Variants in BLK observed in about 807,000 individuals in gnomAD.
BLK encodes BLK proto-oncogene, Src family tyrosine kinase.
BLK carries 64 observed loss-of-function variants against 61.8 expected under a neutral mutation model. The ratio of observed to expected loss-of-function variants is 1.03; its 90% CI spans 0.85 to 1.27. The LOEUF (loss-of-function observed/expected upper bound fraction) is 1.27, where lower values mean the gene tolerates loss of function less well. Ranked by LOEUF, BLK falls within the 50% of genes most tolerant of loss-of-function variation. The pLI is 0.00. For missense variants in BLK, 853 were observed against 660.5 expected, an observed-to-expected ratio of 1.29 and a Z score of -3.19; for synonymous variants, 351 against 272.0, an observed-to-expected ratio of 1.29 and a Z score of -2.86.
At chr8:11,559,339 GGACAAACACAAACACATACACA>G (rs1563124180) in intron 10 of BLK, among the ~76,000 whole-genome samples, 2 of 146,156 alleles carry the variant, frequency 1.4e-5, no homozygotes, top group African/African-American at 5.0e-5. Context: ...ACACACACAC[GGACAAACACAAACACATACACA>G]GACTCACACA....
At chr8:11,526,913 A>C (rs906962468) in intron 1 of BLK, among the ~76,000 whole-genome samples, 2 of 152,214 alleles carry the variant, frequency 1.3e-5, no homozygotes, top group Non-Finnish European at 2.9e-5. Flanking sequence ...TATGTCATTA[A>C]AATTTGCCAT....
At chr8:11,494,925 G>T (rs765995565) in intron 1 of BLK, among the ~76,000 whole-genome samples, 2 of 152,236 alleles carry the variant, frequency 1.3e-5, no homozygotes, top group Admixed American at 6.5e-5. Flanking sequence ...CTGCGCTCCC[G>T]GCGAGTCACT....
At chr8:11,563,346 G>A (rs2117609231) in intron 12 of BLK, among the ~76,000 whole-genome samples, 1 of 152,350 alleles carries the variant, frequency 6.6e-6, no homozygotes, top group South Asian at 2.1e-4. Context: ...CCCTCAAACT[G>A]AAATCAAGAC....
At chr8:11,510,931 G>A (rs112560206) in intron 1 of BLK, among the ~76,000 whole-genome samples, 189 of 152,180 alleles carry the variant, frequency 1.2e-3, no homozygotes, top group African/African-American at 4.0e-3. Flanking sequence ...ATGGCCGTCC[G>A]TGGTTCTTAA....
intron 1 of BLK, among the ~76,000 whole-genome samples, chr8:11,503,647 C>T (rs145859940): frequency 8.4e-4 from 128 of 152,280 alleles, no homozygotes; most frequent in Middle Eastern, 3.4e-3. Flanking sequence ...CAAGGGTGCT[C>T]TTTCTTGGCA....
intron 1 of BLK, among the ~76,000 whole-genome samples, chr8:11,514,609 T>C (rs1238844392): frequency 6.6e-6 from 1 of 152,156 alleles, no homozygotes; most frequent in Non-Finnish European, 1.5e-5. Flanking sequence ...ACTGTGGGCC[T>C]TCTCCATCCA....
At chr8:11,522,318 A>G (rs1799485030) in intron 1 of BLK, among the ~76,000 whole-genome samples, 2 of 152,244 alleles carry the variant, frequency 1.3e-5, no homozygotes, top group Non-Finnish European at 2.9e-5. Context: ...AAAAGATTTA[A>G]TTTATTACCT....
intron 8 of BLK, chr8:11,556,436 C>G: frequency 1.7e-6 from 1 of 594,832 alleles, no homozygotes. Context: ...AGGTGAAATG[C>G]CCCCCAGGCA....
In BLK at chr8:11,556,769, G is replaced by A. The variant is rs778020923; in HGVS notation, c.884G>A (p.Arg295Gln). The A allele has an allele frequency of 1.1e-5, 17 of 1,614,082 alleles. No homozygotes were observed. The highest frequency in any genetic ancestry group is 5.0e-5 in the Admixed American group (3 of 60,004). ...GTGATGAAGGCTCTGCAGCACGAGC[G>A]GCTGGTCCGACTCTACGCAGTGGTC... ...ANVMKALQHE[R>Q]LVRLYAVVTK... Residue 295 changes from arginine to glutamine, a missense_variant, in exon 9 of 13, where the codon CGG becomes CAG. Coordinates refer to ENST00000259089, the MANE Select transcript of BLK (RefSeq NM_001715.3).
At position 11,554,833 on chromosome 8, in the gene BLK, A is replaced by T. The variant is rs747472942; in HGVS notation, c.563A>T (p.Tyr188Phe). 2 of 1,613,954 alleles carry T rather than the reference A, an allele frequency of 1.2e-6. No homozygotes were observed. The highest frequency in any genetic ancestry group is 1.7e-6 in the Non-Finnish European group (2 of 1,179,966). ...KIRCLDEGGY[Y>F]ISPRITFPSL... ...CGCTGCCTGGATGAAGGGGGCTACT[A>T]CATCTCCCCCCGGATCACCTTCCCC... is the stretch of plus-strand genomic sequence containing the variant. The change falls in exon 7 of 13, where the codon TAC becomes TTC. Residue 188 changes from tyrosine (Y) to phenylalanine (F), a missense_variant. Tyr to Phe is a conservative substitution (Grantham distance 22). Transcript: ENST00000259089.
intron 1 of BLK, among the ~76,000 whole-genome samples, chr8:11,532,281 C>G (rs947668501): frequency 9.9e-5 from 15 of 151,818 alleles, no homozygotes; most frequent in African/African-American, 2.9e-4. Flanking sequence ...TCAAAGCAAC[C>G]TCTGCCTCCC....
intron 1 of BLK, among the ~76,000 whole-genome samples, chr8:11,522,284 A>G (rs1250106144): frequency 6.6e-6 from 1 of 152,230 alleles, no homozygotes; most frequent in Non-Finnish European, 1.5e-5. Flanking sequence ...TCTCAAATAT[A>G]ATCAAGGGAA....
At chr8:11,520,567 G>T (rs933275384) in intron 1 of BLK, among the ~76,000 whole-genome samples, 24 of 151,024 alleles carry the variant, frequency 1.6e-4, no homozygotes, top group African/African-American at 5.8e-4. Context: ...ATAATCAAAG[G>T]CATCCCTGTA....
intron 1 of BLK, among the ~76,000 whole-genome samples, chr8:11,517,949 G>A (rs759456138): frequency 2.4e-4 from 37 of 152,208 alleles, no homozygotes; most frequent in Non-Finnish European, 4.7e-4. Flanking sequence ...TGCCCACTGA[G>A]GGAGGGAAGG....
intron 1 of BLK, among the ~76,000 whole-genome samples, chr8:11,496,367 G>A (rs1798358841): frequency 6.6e-6 from 1 of 152,150 alleles, no homozygotes; most frequent in South Asian, 2.1e-4. Context: ...AGCCTCCTGA[G>A]TAGCTGGGAC....
chr8:11,547,965 C>T (rs1416332203), intron 3 of BLK, 67 bp from the exon 4 acceptor site: 13 of 1,373,184 alleles, frequency 9.5e-6, no homozygotes, highest in Admixed American at 3.4e-5. Context: ...GGTAGCCAGG[C>T]TCACCCCAGC....
At chr8:11,546,006 A>C in intron 2 of BLK, 46 bp from the exon 3 acceptor site, 1 of 1,601,954 alleles carries the variant, frequency 6.2e-7, no homozygotes, top group Non-Finnish European at 8.6e-7. Context: ...GGCCCCACCC[A>C]CGCAGCAGGG....
intron 11 of BLK, 85 bp downstream of exon 11, chr8:11,561,537 A>T: frequency 6.5e-7 from 1 of 1,530,726 alleles, no homozygotes; most frequent in Admixed American, 1.9e-5. Context: ...CTCCCAGCAC[A>T]GCCCTGAGGG....
At chr8:11,561,129 C>T (rs547290737) in intron 10 of BLK, 173 bp from the exon 11 acceptor site, 8 of 947,790 alleles carry the variant, frequency 8.4e-6, no homozygotes, top group Non-Finnish European at 1.3e-5. Flanking sequence ...CTGTTCTGGG[C>T]TTCTAGGAGA....
Sources: allele counts gnomAD v4.1 joint callset (sites outside exome capture counted in the v4.1 genomes callset), GRCh38; gene constraint gnomAD v4.1.1; transcripts MANE v1.5; gene names NCBI Gene and HGNC (gene_info 2026-07-23, HGNC 2026-07-21).